DCDC1: variants seen among roughly 807,000 people sequenced by gnomAD.
The protein encoded by DCDC1 is doublecortin domain containing 1.
A neutral mutation model predicts 178.3 loss-of-function variants in DCDC1; 200 were observed. The ratio of observed to expected loss-of-function variants is 1.12; its 90% CI spans 1.00 to 1.26. The LOEUF is 1.26. Among genes scored for constraint, DCDC1 ranks in the 50% most tolerant of loss-of-function variants. The pLI is 0.00. For synonymous variants in DCDC1, 690 were observed against 604.8 expected (o/e 1.14, Z -2.07); for missense variants, 1,983 against 1,749.2 (o/e 1.13, Z -2.38).
rs762726872 is a variant in DCDC1 at position 31,110,297 on chromosome 11, G to A, written c.1550C>T (p.Ser517Leu). The change falls in exon 12 of 39, where the codon TCG becomes TTG. Residue 517 changes from serine to leucine, a missense_variant. By Grantham distance (145) the Ser-to-Leu change is moderately radical. Transcript: ENST00000684477. ...ATGGTCAGTTTGAATTGGGCTATCC[G>A]ATCCCAAATCTTTTTTACTGATACC... ...SVGISKKDLG[S>L]DSPIQTDHMM... 4 of 714,364 alleles carry A rather than the reference G, an allele frequency of 5.6e-6. No homozygotes were observed. The highest frequency in any genetic ancestry group is 1.9e-5 in the Admixed American group (1 of 51,682). The allele number at this position is 714,364 out of a possible 1,614,324, so 44.3% of individuals were successfully genotyped here.
intron 3 of DCDC1, among the ~76,000 whole-genome samples, chr11:31,326,904 G>A (rs1949676824): frequency 6.6e-6 from 1 of 152,116 alleles, no homozygotes; most frequent in African/African-American, 2.4e-5. Context: ...ACAGCCAATA[G>A]TTTATCAATG....
At chr11:31,178,833 C>T (rs940360102) in intron 9 of DCDC1, among the ~76,000 whole-genome samples, 1 of 152,100 alleles carries the variant, frequency 6.6e-6, no homozygotes, top group Non-Finnish European at 1.5e-5. Context: ...GGTAGGATTA[C>T]AGGCGCCTGC....
chr11:31,355,138 T>C (rs1951273774), intron 1 of DCDC1, among the ~76,000 whole-genome samples: 1 of 152,148 alleles, frequency 6.6e-6, no homozygotes, highest in Non-Finnish European at 1.5e-5. Flanking sequence ...GTGCTTAAAA[T>C]ATAAGTGCTG....
intron 8 of DCDC1, among the ~76,000 whole-genome samples, chr11:31,251,589 A>C (rs1190618122): frequency 6.6e-6 from 1 of 152,004 alleles, no homozygotes; most frequent in African/African-American, 2.4e-5. Context: ...AATTCCTTAA[A>C]ACAAATTAAG....
chr11:31,211,636 G>C (rs1972546264), intron 9 of DCDC1, among the ~76,000 whole-genome samples: 2 of 152,090 alleles, frequency 1.3e-5, no homozygotes, highest in Admixed American at 1.3e-4. Flanking sequence ...GTATTTTTAA[G>C]GCCTCATGTA....
intron 18 of DCDC1, among the ~76,000 whole-genome samples, chr11:31,067,466 G>A (rs1292503796): frequency 6.6e-6 from 1 of 152,070 alleles, no homozygotes; most frequent in African/African-American, 2.4e-5. Context: ...AGAATGTGAA[G>A]GGGAAACAGC....
At chr11:31,160,218 A>C (rs1393356345) in intron 9 of DCDC1, among the ~76,000 whole-genome samples, 1 of 152,164 alleles carries the variant, frequency 6.6e-6, no homozygotes, top group East Asian at 1.9e-4. Flanking sequence ...AGTTATGTTG[A>C]AATAATTGAA....
At chr11:31,285,920 C>T (rs1946787968) in intron 7 of DCDC1, among the ~76,000 whole-genome samples, 1 of 152,144 alleles carries the variant, frequency 6.6e-6, no homozygotes, top group African/African-American at 2.4e-5. Context: ...GAACTCCCTA[C>T]ACTCATTCTA....
chr11:31,036,175 T>A (rs1480419917), intron 20 of DCDC1, among the ~76,000 whole-genome samples: 1 of 152,240 alleles, frequency 6.6e-6, no homozygotes, highest in Non-Finnish European at 1.5e-5. Flanking sequence ...ACTGATCTTG[T>A]ATCTTTCCAC....
intron 17 of DCDC1, among the ~76,000 whole-genome samples, chr11:31,088,829 C>G (rs565378006): frequency 6.6e-6 from 1 of 152,194 alleles, no homozygotes; most frequent in African/African-American, 2.4e-5. Flanking sequence ...TCCCAAGGAG[C>G]TGGAACTACA....
chr11:30,958,623 A>T (rs1343461899), intron 20 of DCDC1, among the ~76,000 whole-genome samples: 1 of 152,158 alleles, frequency 6.6e-6, no homozygotes, highest in Non-Finnish European at 1.5e-5. Flanking sequence ...CCAGCATTAC[A>T]TGGTGGTGTG....
At chr11:31,190,091 T>G (rs1969972229) in intron 9 of DCDC1, among the ~76,000 whole-genome samples, 2 of 152,174 alleles carry the variant, frequency 1.3e-5, no homozygotes, top group South Asian at 4.1e-4. Flanking sequence ...TTTCACTGAA[T>G]CAGTGTAAAG....
rs146037256 is a variant in DCDC1 at position 31,002,196 on chromosome 11, A to G, written c.2592-49628T>C. The stretch of plus-strand genomic sequence containing the variant: ...AAAAGTAAAAAATTTATCTTCAGGT[A>G]GTATAATTTGGGAGGGAAATAATGT... On this transcript the variant is annotated intron_variant, in intron 20 of 38. Coordinates refer to ENST00000684477, the MANE Select transcript of DCDC1 (RefSeq NM_001387274.1). Among the ~76,000 whole-genome samples the G allele has an allele frequency of 4.3e-3, 657 of 152,352 alleles. 10 individuals are homozygous for G. Among genetic ancestry groups the G allele is most frequent in the African/African-American group, 0.015 (605 of 41,586 alleles).
chr11:31,158,252 G>C (rs1481791579), intron 9 of DCDC1, among the ~76,000 whole-genome samples: 1 of 151,084 alleles, frequency 6.6e-6, no homozygotes, highest in Non-Finnish European at 1.5e-5. Context: ...GGGACTACAG[G>C]CACCCGCCAT....
chr11:31,203,261 A>G (rs1381888918), intron 9 of DCDC1, among the ~76,000 whole-genome samples: 3 of 152,264 alleles, frequency 2.0e-5, no homozygotes, highest in African/African-American at 7.2e-5. Context: ...AAGAACAAAA[A>G]TAATAAAAAG....
chr11:30,965,253 T>C (rs1315533124), intron 20 of DCDC1, among the ~76,000 whole-genome samples: 1 of 152,224 alleles, frequency 6.6e-6, no homozygotes, highest in Non-Finnish European at 1.5e-5. Flanking sequence ...GAACTTGTTC[T>C]GTATCTGACA....
chr11:31,305,852 T>G, intron 5 of DCDC1, 75 bp from the exon 6 acceptor site: 1 of 1,511,702 alleles, frequency 6.6e-7, no homozygotes, highest in South Asian at 1.3e-5. Context: ...AACAAAAGGT[T>G]CTAATGATCA....
intron 20 of DCDC1, among the ~76,000 whole-genome samples, chr11:30,983,453 C>T (rs1454189316): frequency 6.6e-6 from 1 of 152,090 alleles, no homozygotes; most frequent in Admixed American, 6.6e-5. Context: ...CACTTTTAAG[C>T]CCATGCAGTC....
chr11:31,333,797 T>C (rs1190225097), intron 2 of DCDC1, among the ~76,000 whole-genome samples: 1 of 152,214 alleles, frequency 6.6e-6, no homozygotes, highest in Non-Finnish European at 1.5e-5. Flanking sequence ...CCTTTCTCTC[T>C]GGCTGCCCTT....
Sources: gnomAD v4.1 joint callset for allele counts (sites outside exome capture counted in the v4.1 genomes callset) on GRCh38, gnomAD v4.1.1 for gene constraint, MANE v1.5 for transcripts, NCBI Gene and HGNC (gene_info 2026-07-23, HGNC 2026-07-21) for gene names.